The following AGPAT3 variants were observed in gnomAD, a reference collection of about 807,000 sequenced individuals.
AGPAT3 encodes the protein 1-acyl-sn-glycerol-3-phosphate acyltransferase gamma.
In AGPAT3, 5 loss-of-function variants were observed where a neutral mutation model predicts 47.3. That is an observed-to-expected ratio of 0.11 (90% CI 0.06 to 0.22). AGPAT3 has a LOEUF of 0.22. Ranked by LOEUF, AGPAT3 falls within the 10% of genes least tolerant of loss-of-function variation. The pLI, the probability that AGPAT3 is intolerant of heterozygous loss-of-function variation, is 1.00. For synonymous variants in AGPAT3, 212 were observed against 208.3 expected (o/e 1.02, Z -0.15); for missense variants, 315 against 493.0 (o/e 0.64, Z 3.42).
intron 7 of AGPAT3, among the ~76,000 whole-genome samples, chr21:43,975,849 G>A (rs78040859): frequency 1.3e-5 from 2 of 152,310 alleles, no homozygotes; most frequent in African/African-American, 4.8e-5. Flanking sequence ...CCACCTGGTG[G>A]CACGGGGCCG....
rs1157430962 is a variant in AGPAT3 at position 43,986,668 on chromosome 21, G to A, written c.*4276G>A. 1.3e-5 allele frequency: 2 copies of A among 152,568 alleles called. No individual in the cohort carries two copies. The highest frequency in any genetic ancestry group is 3.8e-4 in the East Asian group (2 of 5,196). 9.5% of individuals were successfully genotyped at this position (152,568 alleles called of 1,614,324 possible). A position where few individuals can be genotyped will look rare whatever the true frequency, so the allele number is the denominator to read the frequency against. On this transcript the variant is annotated 3_prime_UTR_variant, in exon 10 of 10. Coordinates refer to ENST00000291572, the MANE Select transcript of AGPAT3 (RefSeq NM_020132.5). ...AAGATCGCCAGCAAGTACTGTAACT[G>A]TAAAGGAAAATCTCTCTCTCTGGAG...
At chr21:43,976,844 G>A (rs933292113) in intron 7 of AGPAT3, among the ~76,000 whole-genome samples, 2 of 152,316 alleles carry the variant, frequency 1.3e-5, no homozygotes, top group East Asian at 1.9e-4. Flanking sequence ...AGTGACGGGC[G>A]CTGTGGACGT....
chr21:43,909,292 A>ATTTT (rs11365476), intron 2 of AGPAT3, among the ~76,000 whole-genome samples: 1 of 102,304 alleles, frequency 9.8e-6, no homozygotes, highest in Non-Finnish European at 2.0e-5. Flanking sequence ...TTTCATACAC[A>ATTTT]TTTTTTTTTT....
intron 8 of AGPAT3, among the ~76,000 whole-genome samples, 189 bp from the exon 9 acceptor site, chr21:43,980,800 G>A (rs777249242): frequency 4.6e-5 from 7 of 152,186 alleles, no homozygotes; most frequent in Non-Finnish European, 8.8e-5. Flanking sequence ...CTCGATGCAC[G>A]CTATCAGATT....
At position 43,900,295 on chromosome 21, in the gene AGPAT3, C is replaced by G. The variant is rs115040842; in HGVS notation, c.-111-3662C>G. ...AAATGCAAGATTCCAGCTTGCACTT[C>G]TAGCCATGGTGGAAGATACAGACCA... On this transcript the variant is annotated intron_variant, in intron 1 of 9. Transcript: ENST00000291572. Among the ~76,000 whole-genome samples, 1,125 of 152,316 alleles carry G rather than the reference C, an allele frequency of 7.4e-3. 17 individuals carry two copies. Among genetic ancestry groups the G allele is most frequent in the African/African-American group, 0.025 (1,024 of 41,568 alleles).
intron 3 of AGPAT3, 56 bp downstream of exon 3, chr21:43,959,915 C>A (rs1273769118): frequency 7.9e-6 from 12 of 1,519,532 alleles, no homozygotes; most frequent in African/African-American, 1.4e-5. Context: ...GGGTGGCGCG[C>A]GACCATGCAC....
chr21:43,934,775 C>A lies in AGPAT3; in HGVS notation c.-48-24859C>A, dbSNP rs528939652. Among the ~76,000 whole-genome samples the A allele has an allele frequency of 2.0e-5, 3 of 151,962 alleles. No homozygotes were observed. The highest frequency in any genetic ancestry group is 2.0e-4 in the Admixed American group (3 of 15,246). On this transcript the variant is annotated intron_variant, in intron 2 of 9. Transcript: ENST00000291572. The surrounding 1 kb of genome is among the most constrained non-coding windows in gnomAD (Gnocchi z 4.7). ...ACCCACGTGCTGCCATATCACATCA[C>A]GCCACCCACGCCACTCACACGCCAC...
chr21:43,979,430 G>A (rs1208803350), intron 8 of AGPAT3, among the ~76,000 whole-genome samples: 9 of 152,094 alleles, frequency 5.9e-5, no homozygotes, highest in African/African-American at 1.9e-4. Flanking sequence ...CCCACCTGGT[G>A]CTTTCTGCCT....
intron 3 of AGPAT3, chr21:43,966,711 G>A (rs1383991077): frequency 1.3e-5 from 2 of 152,214 alleles, no homozygotes; most frequent in Non-Finnish European, 2.9e-5. Flanking sequence ...TTTGGAATTG[G>A]TCTCTAGTGT....
Position 43,970,865 on chromosome 21 carries a change from CT to C in AGPAT3, c.664+62del. 1.6e-5 allele frequency: 21 copies of C among 1,317,948 alleles called. No homozygotes were observed. The highest frequency in any genetic ancestry group is 2.5e-4 in the Middle Eastern group (1 of 4,074). 81.6% of individuals were successfully genotyped at this position (1,317,948 alleles called of 1,614,324 possible). A position where few individuals can be genotyped will look rare whatever the true frequency, so the allele number is the denominator to read the frequency against. On this transcript the variant is annotated intron_variant, in intron 6 of 9. Coordinates refer to ENST00000291572, the MANE Select transcript of AGPAT3 (RefSeq NM_020132.5). The surrounding 1 kb of genome is among the most constrained non-coding windows in gnomAD (Gnocchi z 5.8). ...CTATGCTCACGGAAAATAGTGATTT[CT>C]TTAAAAAAAAAAAAAATGAGTGCAT...
intron 1 of AGPAT3, among the ~76,000 whole-genome samples, chr21:43,902,573 GAGAT>G (rs1383400098): frequency 2.0e-5 from 3 of 152,238 alleles, no homozygotes; most frequent in Non-Finnish European, 4.4e-5. Context: ...ATATGGCAGA[GAGAT>G]AGGAAGCAGC....
At chr21:43,878,501 G>A (rs182126443) in intron 1 of AGPAT3, among the ~76,000 whole-genome samples, 30 of 152,310 alleles carry the variant, frequency 2.0e-4, no homozygotes, top group Non-Finnish European at 3.4e-4. Flanking sequence ...ATGCCGCTCC[G>A]TTTTCCCAGT....
intron 2 of AGPAT3, chr21:43,948,437 C>T (rs1458484142): frequency 6.6e-6 from 1 of 152,240 alleles, no homozygotes; most frequent in African/African-American, 2.4e-5. Flanking sequence ...CATCCCATCC[C>T]TGGATCACTT....
intron 2 of AGPAT3, among the ~76,000 whole-genome samples, chr21:43,911,291 G>C (rs1481972175): frequency 1.3e-5 from 2 of 152,258 alleles, no homozygotes; most frequent in African/African-American, 4.8e-5. Flanking sequence ...CCGTGTGATA[G>C]TTTTGGAGCA....
At chr21:43,980,397 A>T (rs965359847) in intron 8 of AGPAT3, among the ~76,000 whole-genome samples, 2 of 151,782 alleles carry the variant, frequency 1.3e-5, no homozygotes, top group African/African-American at 2.4e-5. Context: ...TGTCTGCTCT[A>T]TCAGGCATGG....
chr21:43,873,350 T>C (rs528572785), intron 1 of AGPAT3, among the ~76,000 whole-genome samples: 4 of 152,256 alleles, frequency 2.6e-5, no homozygotes, highest in South Asian at 2.1e-4. Flanking sequence ...GCCGCAGAAG[T>C]GTATGCAGCA....
In AGPAT3 at chr21:43,970,127, G is replaced by T. The variant is rs2089331718; in HGVS notation, c.511-526G>T. ...GGGTTCCAGCAGTTCTCCTCTCTCAGCCTCCAAGTTGCTGGGATTACAGGC... is the reference window on the plus strand; with the variant it reads ...GGGTTCCAGCAGTTCTCCTCTCTCATCCTCCAAGTTGCTGGGATTACAGGC... On this transcript the variant is annotated intron_variant, in intron 5 of 9. Coordinates refer to ENST00000291572, the MANE Select transcript of AGPAT3 (RefSeq NM_020132.5). This position sits in a 1 kb window ranked among gnomAD's most constrained non-coding sequence, Gnocchi z 5.8. Among the ~76,000 whole-genome samples, 1 of 151,670 alleles carries T rather than the reference G, an allele frequency of 6.6e-6. No individual in the cohort carries two copies. Among genetic ancestry groups the T allele is most frequent in the African/African-American group, 2.4e-5 (1 of 41,282 alleles).
At position 43,908,933 on chromosome 21, in the gene AGPAT3, G is replaced by A. The variant is rs1447167558; in HGVS notation, c.-49+4914G>A. Among the ~76,000 whole-genome samples the A allele has an allele frequency of 2.0e-5, 3 of 152,170 alleles. No homozygotes were observed. The highest frequency in any genetic ancestry group is 4.4e-5 in the Non-Finnish European group (3 of 68,032). On this transcript the variant is annotated intron_variant, in intron 2 of 9. Coordinates refer to ENST00000291572, the MANE Select transcript of AGPAT3 (RefSeq NM_020132.5). This position sits in a 1 kb window ranked among gnomAD's most constrained non-coding sequence, Gnocchi z 4.9. ...CTGCTGTGCTCCGAGGTTGGCCTGCGTCTTTTGCTCCTGGGTCCTTACGTG... is the reference window on the plus strand; with the variant it reads ...CTGCTGTGCTCCGAGGTTGGCCTGCATCTTTTGCTCCTGGGTCCTTACGTG...
Position 43,981,741 on chromosome 21 carries a change from C to G in AGPAT3, c.1042+554C>G, listed in dbSNP as rs1383675353. On this transcript the variant is annotated intron_variant, in intron 9 of 9. Transcript: ENST00000291572. This position sits in a 1 kb window ranked among gnomAD's most constrained non-coding sequence, Gnocchi z 5.3. ...TGAGGGGTCTCTGTCCGTGGAGACA[C>G]AGTCCGTGTGCATCGCCCCGTGAGC... Among the ~76,000 whole-genome samples the G allele has an allele frequency of 1.3e-5, 2 of 152,068 alleles. No individual in the cohort carries two copies. The highest frequency in any genetic ancestry group is 4.8e-5 in the African/African-American group (2 of 41,410).
Sources: allele counts gnomAD v4.1 joint callset (sites outside exome capture counted in the v4.1 genomes callset), GRCh38; gene constraint gnomAD v4.1.1; non-coding constraint Gnocchi (gnomAD v3.1); transcripts MANE v1.5; gene names NCBI Gene and HGNC (gene_info 2026-07-23, HGNC 2026-07-21).